PLXNA4: variants seen among roughly 807,000 people sequenced by gnomAD.
The protein encoded by PLXNA4 is plexin-A4.
A neutral mutation model predicts 191.8 loss-of-function variants in PLXNA4; 44 were observed. That is an observed-to-expected ratio of 0.23 (90% CI 0.18 to 0.29). The LOEUF (loss-of-function observed/expected upper bound fraction) is 0.29, where lower values mean the gene tolerates loss of function less well. Ranked by LOEUF, PLXNA4 falls within the 10% of genes least tolerant of loss-of-function variation. The pLI is 1.00. For missense variants in PLXNA4, 1,800 were observed against 2,488.8 expected (o/e 0.72, Z 5.89); for synonymous variants, 1,082 against 1,009.5 (o/e 1.07, Z -1.36).
intron 3 of PLXNA4, among the ~76,000 whole-genome samples, chr7:132,458,780 C>T (rs1796396792): frequency 6.6e-6 from 1 of 152,206 alleles, no homozygotes; most frequent in Admixed American, 6.5e-5. Context: ...AGGACATACG[C>T]ACATTCCTGC....
intron 4 of PLXNA4, among the ~76,000 whole-genome samples, chr7:132,283,436 C>T (rs962369511): frequency 2.8e-4 from 42 of 152,192 alleles, no homozygotes; most frequent in African/African-American, 1.0e-3. Flanking sequence ...GAGATACGAT[C>T]CTGGGCATTT....
chr7:132,594,911 GTAGATAGATAGATAGATAGA>G (rs71178042), intron 2 of PLXNA4, among the ~76,000 whole-genome samples: 1,909 of 137,838 alleles, frequency 0.014, 26 homozygotes, highest in African/African-American at 0.029. Flanking sequence ...AGATAGATAG[GTAGATAGATAGATAGATAGA>G]TAGATAGATA....
At chr7:132,204,379 T>C (rs575657202) in intron 10 of PLXNA4, among the ~76,000 whole-genome samples, 205 of 152,286 alleles carry the variant, frequency 1.3e-3, no homozygotes, top group Non-Finnish European at 2.5e-3. Context: ...TTCCAACCCC[T>C]ACCTGGTGAT....
intron 9 of PLXNA4, among the ~76,000 whole-genome samples, chr7:132,220,651 A>T (rs1205716890): frequency 2.0e-5 from 3 of 151,830 alleles, no homozygotes; most frequent in Admixed American, 2.0e-4. Context: ...GGGCCCTGGC[A>T]TCCCATCCTC....
chr7:132,134,007 C>T (rs75600440), intron 30 of PLXNA4, among the ~76,000 whole-genome samples: 2,312 of 152,238 alleles, frequency 0.015, 65 homozygotes, highest in African/African-American at 0.053. Context: ...CCCAATCCAG[C>T]CCATGCCAAA....
intron 1 of PLXNA4, among the ~76,000 whole-genome samples, chr7:132,565,055 G>A (rs189519056): frequency 3.3e-5 from 5 of 152,260 alleles, no homozygotes; most frequent in East Asian, 1.9e-4. Flanking sequence ...CACGGGAGCC[G>A]GCAAGGTGTG....
chr7:132,626,290 G>C (rs1803371291), intron 2 of PLXNA4, among the ~76,000 whole-genome samples: 1 of 152,192 alleles, frequency 6.6e-6, no homozygotes, highest in Non-Finnish European at 1.5e-5. Flanking sequence ...GCACAGCCCA[G>C]ATTCCCTCTC....
chr7:132,578,361 A>G (rs1377132716), upstream of PLXNA4, among the ~76,000 whole-genome samples: 1 of 152,188 alleles, frequency 6.6e-6, no homozygotes, highest in East Asian at 1.9e-4. Flanking sequence ...AAAGGAGCCC[A>G]TGGCTCTTGG....
chr7:132,218,639 TGGA>T (rs1016584507), intron 9 of PLXNA4, among the ~76,000 whole-genome samples: 23 of 152,184 alleles, frequency 1.5e-4, no homozygotes, highest in African/African-American at 5.1e-4. Flanking sequence ...GGTTGGCCTG[TGGA>T]GGAGCTGGGG....
At position 132,609,963 on chromosome 7, in the gene PLXNA4, G is replaced by C. The variant is rs555697960; in HGVS notation, c.-87+35965C>G. Among the ~76,000 whole-genome samples, 7 of 152,288 alleles carry C rather than the reference G, an allele frequency of 4.6e-5. No individual in the cohort carries two copies. The East Asian group carries it at 1.4e-3, about 29-fold the overall frequency. ...ACTCTAACAGATGGGTGCTAATTTG[G>C]TAAGTGCAAATTATCTGGCTTCAGT... On this transcript the variant is annotated intron_variant, in intron 2 of 4. Transcript: ENST00000378539.
intron 5 of PLXNA4, among the ~76,000 whole-genome samples, chr7:132,232,233 C>T (rs1798547631): frequency 6.6e-6 from 1 of 152,158 alleles, no homozygotes; most frequent in African/African-American, 2.4e-5. Flanking sequence ...CAAGAGGCCT[C>T]AGGTACTCCT....
chr7:132,129,720 C>A lies in PLXNA4; in HGVS notation c.*759G>T, dbSNP rs1794872382. On this transcript the variant is annotated 3_prime_UTR_variant, in exon 32 of 32. Coordinates refer to ENST00000321063, the MANE Select transcript of PLXNA4 (RefSeq NM_020911.2). ...CAGATGAAAAGGTCAGGAGCATCTCCATGGTGGAATGTAATTGCTATTCTT... is the reference window on the plus strand; with the variant it reads ...CAGATGAAAAGGTCAGGAGCATCTCAATGGTGGAATGTAATTGCTATTCTT... 1 of 152,596 alleles carries A rather than the reference C, an allele frequency of 6.6e-6. No individual in the cohort carries two copies. Among genetic ancestry groups the A allele is most frequent in the South Asian group, 2.1e-4 (1 of 4,832 alleles). 9.5% of individuals were successfully genotyped at this position (152,596 alleles called of 1,614,324 possible).
At chr7:132,536,402 T>C (rs1001053341) in intron 1 of PLXNA4, among the ~76,000 whole-genome samples, 1 of 152,174 alleles carries the variant, frequency 6.6e-6, no homozygotes, top group Non-Finnish European at 1.5e-5. Context: ...TTCCCCTCCC[T>C]AAGCCTACCT....
At chr7:132,342,946 C>CAAAAAAAAAAAAAAA (rs370055779) in intron 3 of PLXNA4, among the ~76,000 whole-genome samples, 2 of 102,422 alleles carry the variant, frequency 2.0e-5, no homozygotes, top group Non-Finnish European at 4.0e-5. Flanking sequence ...GACTCTGCCT[C>CAAAAAAAAAAAAAAA]AAAAAAAAAA....
At chr7:132,232,292 T>TC (rs1364332065) in intron 5 of PLXNA4, among the ~76,000 whole-genome samples, 2 of 152,144 alleles carry the variant, frequency 1.3e-5, no homozygotes, top group African/African-American at 4.8e-5. Context: ...CATGAAGGAA[T>TC]CCCCTGCTTC....
At chr7:132,241,935 C>A (rs2117041183) in intron 4 of PLXNA4, among the ~76,000 whole-genome samples, 1 of 152,260 alleles carries the variant, frequency 6.6e-6, no homozygotes, top group South Asian at 2.1e-4. Flanking sequence ...TTTGCTTAGC[C>A]CAAATGCTTC....
Position 132,145,595 on chromosome 7 carries a change from T to C in PLXNA4, c.5056-307A>G, listed in dbSNP as rs1204166009. 8.2e-6 allele frequency: 3 copies of C among 366,956 alleles called. No homozygotes were observed. In the Admixed American group the frequency reaches 1.3e-4, roughly 16 times the overall value. The allele number at this position is 366,956 out of a possible 1,614,324, so 22.7% of individuals were successfully genotyped here. A position where few individuals can be genotyped will look rare whatever the true frequency, so the allele number is the denominator to read the frequency against. ...GTGTTATTTTAGCACTTTTCACAAA[T>C]GCTAATGAACACTCACTTGGTCAGA... is the stretch of plus-strand genomic sequence containing the variant. On this transcript the variant is annotated intron_variant, in intron 28 of 31. Transcript: ENST00000321063.
chr7:132,138,288 C>T (rs112290106), intron 30 of PLXNA4, among the ~76,000 whole-genome samples: 198 of 152,278 alleles, frequency 1.3e-3, no homozygotes, highest in Non-Finnish European at 2.1e-3. Context: ...TGACCAACAG[C>T]AGGGGAGCAA....
intron 3 of PLXNA4, among the ~76,000 whole-genome samples, chr7:132,357,212 T>C (rs1803744502): frequency 6.6e-6 from 1 of 152,130 alleles, no homozygotes. Context: ...CAGGAAATGA[T>C]AATCTTTGCA....
Sources: gnomAD v4.1 joint callset for allele counts (sites outside exome capture counted in the v4.1 genomes callset) on GRCh38, gnomAD v4.1.1 for gene constraint, MANE v1.5 for transcripts, NCBI Gene and HGNC (gene_info 2026-07-23, HGNC 2026-07-21) for gene names.